Variants in ADGRL2 observed in about 807,000 individuals in gnomAD.
ADGRL2 encodes the protein adhesion G protein-coupled receptor L2.
Under a neutral mutation model 157.4 loss-of-function variants are expected in ADGRL2, and 44 were observed. The observed-to-expected ratio is 0.28, with a 90% confidence interval of 0.22 to 0.36. The LOEUF is 0.36. Ranked by LOEUF, ADGRL2 falls within the 10% of genes least tolerant of loss-of-function variation. The probability of loss-of-function intolerance (pLI) is 1.00; values close to 1 mark genes in which losing one functional copy is unlikely to be tolerated. For synonymous variants in ADGRL2, 585 were observed against 624.7 expected (o/e 0.94, Z 0.95); for missense variants, 1,510 against 1,768.9 (o/e 0.85, Z 2.63).
chr1:81,691,887 T>TATATATATAG, intron 3 of ADGRL2, among the ~76,000 whole-genome samples: 1 of 147,600 alleles, frequency 6.8e-6, no homozygotes, highest in African/African-American at 2.5e-5. Context: ...TGTGTATATA[T>TATATATATAG]ATATATATGT....
At chr1:81,571,636 G>A (rs1444002261) in intron 2 of ADGRL2, among the ~76,000 whole-genome samples, 2 of 151,688 alleles carry the variant, frequency 1.3e-5, no homozygotes, top group African/African-American at 4.8e-5. Context: ...GAAAAGATGA[G>A]CCTCTGTAAA....
At chr1:81,721,865 A>G (rs2084335250) in intron 1 of ADGRL2, 3 of 792,174 alleles carry the variant, frequency 3.8e-6, no homozygotes, top group Non-Finnish European at 6.6e-6. Context: ...GGGGAAAAAA[A>G]AAACCTGATA....
chr1:81,634,855 A>C (rs1434692851), intron 3 of ADGRL2, among the ~76,000 whole-genome samples: 1 of 152,126 alleles, frequency 6.6e-6, no homozygotes, highest in African/African-American at 2.4e-5. Flanking sequence ...TGTAGAAGAT[A>C]CACACTGTTG....
intron 1 of ADGRL2, among the ~76,000 whole-genome samples, chr1:81,325,131 G>A (rs1166208734): frequency 1.3e-5 from 2 of 152,162 alleles, no homozygotes; most frequent in Non-Finnish European, 2.9e-5. Flanking sequence ...TCCACTAGAA[G>A]AGACCAGAAT....
chr1:81,401,995 G>A (rs1391407963), intron 1 of ADGRL2, among the ~76,000 whole-genome samples: 2 of 152,112 alleles, frequency 1.3e-5, no homozygotes, highest in Non-Finnish European at 2.9e-5. Flanking sequence ...TTGTTTGTTT[G>A]TTTGTTTGTT....
intron 3 of ADGRL2, among the ~76,000 whole-genome samples, chr1:81,627,056 AG>A (rs1265076812): frequency 6.6e-6 from 1 of 152,052 alleles, no homozygotes; most frequent in African/African-American, 2.4e-5. Context: ...GGGTTTTTGT[AG>A]TACCCCTAGT....
intron 2 of ADGRL2, among the ~76,000 whole-genome samples, chr1:81,531,078 T>A (rs1051538684): frequency 8.2e-6 from 1 of 121,622 alleles, no homozygotes; most frequent in African/African-American, 2.7e-5. Context: ...AGCAAGACTC[T>A]GTTTCAAAAA....
chr1:81,712,170 A>G (rs1476632516), intron 1 of ADGRL2, among the ~76,000 whole-genome samples: 2 of 152,204 alleles, frequency 1.3e-5, no homozygotes, highest in African/African-American at 4.8e-5. Flanking sequence ...TGCCCAGTCA[A>G]GTAAGGCCAT....
chr1:81,985,743 A>G (rs996376157), intron 21 of ADGRL2, among the ~76,000 whole-genome samples: 1 of 152,026 alleles, frequency 6.6e-6, no homozygotes, highest in East Asian at 1.9e-4. Flanking sequence ...AATTATTTCT[A>G]TATTGTTTGA....
chr1:81,334,643 A>G (rs1661508831), intron 1 of ADGRL2, among the ~76,000 whole-genome samples: 1 of 152,246 alleles, frequency 6.6e-6, no homozygotes, highest in Non-Finnish European at 1.5e-5. Flanking sequence ...ACATTTACAC[A>G]GGGCTGCCTA....
chr1:81,669,289 C>A (rs1260869823), intron 3 of ADGRL2, among the ~76,000 whole-genome samples: 1 of 152,086 alleles, frequency 6.6e-6, no homozygotes, highest in Non-Finnish European at 1.5e-5. Flanking sequence ...AGGCACACAA[C>A]TATAGTCCCA....
At chr1:81,459,774 GTGTA>G (rs1259071270) in intron 2 of ADGRL2, among the ~76,000 whole-genome samples, 1 of 78,700 alleles carries the variant, frequency 1.3e-5, no homozygotes, top group East Asian at 2.5e-4. Context: ...TGCTTAGTGT[GTGTA>G]TGTGTGTGTG....
chr1:81,438,366 TAATA>T (rs1162474489), intron 1 of ADGRL2, among the ~76,000 whole-genome samples: 1 of 152,134 alleles, frequency 6.6e-6, no homozygotes, highest in Non-Finnish European at 1.5e-5. Context: ...AAAACAAAGG[TAATA>T]AATACACACA....
At chr1:81,579,790 T>A (rs889004197) in intron 2 of ADGRL2, among the ~76,000 whole-genome samples, 10 of 152,114 alleles carry the variant, frequency 6.6e-5, no homozygotes, top group African/African-American at 2.2e-4. Context: ...GAGATGCAAT[T>A]TAAGATCTTT....
At chr1:81,511,404 A>G (rs1570334724) in intron 2 of ADGRL2, among the ~76,000 whole-genome samples, 2 of 148,658 alleles carry the variant, frequency 1.3e-5, no homozygotes. Context: ...AAGCGCGCAC[A>G]CACACACACA....
intron 3 of ADGRL2, among the ~76,000 whole-genome samples, chr1:81,581,522 G>T (rs187348201): frequency 6.6e-6 from 1 of 152,090 alleles, no homozygotes; most frequent in African/African-American, 2.4e-5. Flanking sequence ...GCATTAGCTC[G>T]TCTAAATATG....
chr1:81,782,024 T>C (rs996024819), intron 2 of ADGRL2, among the ~76,000 whole-genome samples: 5 of 152,170 alleles, frequency 3.3e-5, no homozygotes, highest in African/African-American at 1.2e-4. Context: ...CAGCTCCCAG[T>C]GTTCCCGTAT....
intron 2 of ADGRL2, among the ~76,000 whole-genome samples, chr1:81,475,281 A>G (rs922770756): frequency 1.3e-5 from 2 of 152,152 alleles, no homozygotes; most frequent in Non-Finnish European, 2.9e-5. Flanking sequence ...TTATCTGAGT[A>G]TGTGAACTTA....
At chr1:81,914,634 T>C (rs3790907) in intron 3 of ADGRL2, among the ~76,000 whole-genome samples, 12,994 of 152,146 alleles carry the variant, frequency 0.085, 652 homozygotes, top group African/African-American at 0.15. Flanking sequence ...GGAAATGAAA[T>C]AACTTGGCCG....
Sources: allele counts gnomAD v4.1 joint callset (sites outside exome capture counted in the v4.1 genomes callset), GRCh38; gene constraint gnomAD v4.1.1; transcripts MANE v1.5; gene names NCBI Gene and HGNC (gene_info 2026-07-23, HGNC 2026-07-21).